The following SUPT3H variants were observed in gnomAD, a reference collection of about 807,000 sequenced individuals.
SUPT3H encodes transcription initiation protein SPT3 homolog.
A neutral mutation model predicts 44.3 loss-of-function variants in SUPT3H; 44 were observed. The observed-to-expected ratio is 0.99, with a 90% CI of 0.78 to 1.28. The LOEUF (loss-of-function observed/expected upper bound fraction) is 1.28. SUPT3H is among the 50% of genes most tolerant of loss of function. The pLI, the probability that SUPT3H is intolerant of heterozygous loss-of-function variation, is 0.00. For synonymous variants in SUPT3H, 124 were observed against 125.6 expected (o/e 0.99, Z 0.09); for missense variants, 380 against 387.1 (o/e 0.98, Z 0.15).
chr6:44,947,276 G>T (rs1166623023), intron 9 of SUPT3H, among the ~76,000 whole-genome samples: 1 of 152,098 alleles, frequency 6.6e-6, no homozygotes, highest in Non-Finnish European at 1.5e-5. Flanking sequence ...CAATATCTCT[G>T]AAGTATGCCT....
chr6:44,884,234 C>A (rs893311890), intron 10 of SUPT3H, among the ~76,000 whole-genome samples: 2 of 152,088 alleles, frequency 1.3e-5, no homozygotes, highest in Non-Finnish European at 1.5e-5. Flanking sequence ...GACATTTATG[C>A]GGCCAACAAA....
intron 2 of SUPT3H, among the ~76,000 whole-genome samples, chr6:45,297,539 G>T (rs1025570545): frequency 1.3e-5 from 2 of 152,172 alleles, no homozygotes; most frequent in Admixed American, 6.6e-5. Flanking sequence ...TGGCAGAAAT[G>T]CAAGTTTAGA....
rs749519701 is a variant in SUPT3H, at chr6:44,829,657, G to A, written c.*159C>T. 4.9e-5 allele frequency: 36 copies of A among 727,820 alleles called. 1 individual carries two copies. Among genetic ancestry groups the A allele is most frequent in the Non-Finnish European group, 8.4e-5 (36 of 428,138 alleles). The allele number at this position is 727,820 out of a possible 1,614,324, so 45.1% of individuals were successfully genotyped here. ...AGTAAACAAGACCGATGGTTGAGGG[G>A]CTGGAAAAGAGGAGGAGTCAGCAAG... On this transcript the variant is annotated 3_prime_UTR_variant, in exon 11 of 11. Coordinates refer to ENST00000371459, the MANE Select transcript of SUPT3H (RefSeq NM_003599.4).
intron 1 of SUPT3H, among the ~76,000 whole-genome samples, chr6:45,370,656 TA>T (rs1032327911): frequency 2.0e-5 from 3 of 151,986 alleles, no homozygotes; most frequent in African/African-American, 7.3e-5. Context: ...TAATGGGCAC[TA>T]AAAAAAATCT....
intron 3 of SUPT3H, among the ~76,000 whole-genome samples, chr6:45,023,732 A>T (rs893503257): frequency 9.7e-5 from 1 of 10,280 alleles, no homozygotes; most frequent in Non-Finnish European, 1.3e-4. Flanking sequence ...AACACAAAAA[A>T]GGAAACATAG....
chr6:45,302,155 CAT>C (rs1491168625), intron 2 of SUPT3H, among the ~76,000 whole-genome samples: 2 of 152,146 alleles, frequency 1.3e-5, no homozygotes, highest in East Asian at 1.9e-4. Flanking sequence ...TATTTGGTCA[CAT>C]GAGTAAGTTT....
intron 2 of SUPT3H, among the ~76,000 whole-genome samples, chr6:45,157,967 T>C (rs1808130615): frequency 1.3e-5 from 2 of 150,768 alleles, no homozygotes; most frequent in Non-Finnish European, 2.9e-5. Context: ...TCTGTAATTA[T>C]AGTAATTATT....
intron 2 of SUPT3H, among the ~76,000 whole-genome samples, chr6:45,362,933 T>TTTAA (rs146149580): frequency 0.013 from 2,013 of 152,128 alleles, 25 homozygotes; most frequent in Non-Finnish European, 0.021. Flanking sequence ...CTCTACAGCT[T>TTTAA]TTAATTTAAT....
intron 10 of SUPT3H, among the ~76,000 whole-genome samples, chr6:44,882,372 C>T (rs1215806392): frequency 1.3e-5 from 2 of 152,148 alleles, no homozygotes; most frequent in Non-Finnish European, 2.9e-5. Context: ...ATAACAAGTT[C>T]TGAAATTGAG....
intron 2 of SUPT3H, among the ~76,000 whole-genome samples, chr6:45,117,578 T>C (rs1294446928): frequency 6.6e-6 from 1 of 152,096 alleles, no homozygotes; most frequent in East Asian, 1.9e-4. Context: ...TTTATTACAC[T>C]TCCTTACAAA....
At chr6:45,004,032 G>A (rs2153506196) in intron 5 of SUPT3H, among the ~76,000 whole-genome samples, 1 of 152,230 alleles carries the variant, frequency 6.6e-6, no homozygotes. Flanking sequence ...AAGTAAGTGT[G>A]AAAGGGCTAA....
chr6:45,337,586 G>C (rs1251977631), intron 2 of SUPT3H, among the ~76,000 whole-genome samples: 2 of 151,620 alleles, frequency 1.3e-5, no homozygotes, highest in Non-Finnish European at 3.0e-5. Flanking sequence ...TAAAACAACG[G>C]ACTACCTGTT....
intron 2 of SUPT3H, among the ~76,000 whole-genome samples, chr6:45,187,470 C>T (rs772736368): frequency 2.0e-5 from 3 of 151,438 alleles, no homozygotes; most frequent in Non-Finnish European, 2.9e-5. Context: ...AGGTTCCTTT[C>T]CCTTACGAGG....
At chr6:44,981,567 A>G (rs1284170269) in intron 6 of SUPT3H, among the ~76,000 whole-genome samples, 1 of 152,182 alleles carries the variant, frequency 6.6e-6, no homozygotes, top group Non-Finnish European at 1.5e-5. Context: ...GAAACATTTT[A>G]TACCATTAGA....
At chr6:44,809,760 C>G (rs563104210) in intron 11 of SUPT3H, among the ~76,000 whole-genome samples, 5 of 152,146 alleles carry the variant, frequency 3.3e-5, no homozygotes, top group Non-Finnish European at 7.3e-5. Context: ...ATAAATGCCC[C>G]TCTTAAATAA....
At chr6:44,947,143 G>A (rs1773477572) in intron 9 of SUPT3H, among the ~76,000 whole-genome samples, 1 of 152,148 alleles carries the variant, frequency 6.6e-6, no homozygotes, top group Admixed American at 6.6e-5. Flanking sequence ...TAATGCCATT[G>A]CAGACTTATA....
downstream of SUPT3H, among the ~76,000 whole-genome samples, chr6:44,824,865 G>A (rs897666705): frequency 6.6e-6 from 1 of 152,106 alleles, no homozygotes; most frequent in Non-Finnish European, 1.5e-5. Flanking sequence ...ACTTCCCCCA[G>A]ACCTGCCTCA....
At chr6:44,904,534 G>A (rs949850662) in intron 10 of SUPT3H, among the ~76,000 whole-genome samples, 4 of 152,154 alleles carry the variant, frequency 2.6e-5, no homozygotes, top group Non-Finnish European at 5.9e-5. Flanking sequence ...ACAAACAAAT[G>A]GAAGAACACT....
intron 2 of SUPT3H, among the ~76,000 whole-genome samples, chr6:45,199,276 C>CAGCTTAATTTTT (rs1762096561): frequency 6.6e-6 from 1 of 150,936 alleles, no homozygotes; most frequent in Admixed American, 6.6e-5. Flanking sequence ...AAAAACAACT[C>CAGCTTAATTTTT]AGCTTAATTT....
Sources: allele counts gnomAD v4.1 joint callset (sites outside exome capture counted in the v4.1 genomes callset), GRCh38; gene constraint gnomAD v4.1.1; transcripts MANE v1.5; gene names NCBI Gene and HGNC (gene_info 2026-07-23, HGNC 2026-07-21).